The following ARID1B variants were observed in gnomAD, a reference collection of about 807,000 sequenced individuals.
ARID1B encodes the protein AT-rich interactive domain-containing protein 1B.
In ARID1B, 30 loss-of-function variants were observed where a neutral mutation model predicts 212.3. That is an observed-to-expected ratio of 0.14 (90% CI 0.11 to 0.19). ARID1B has a LOEUF of 0.19. Among genes scored for constraint, ARID1B ranks in the 10% least tolerant of loss-of-function variants. The pLI is 1.00. For synonymous variants in ARID1B, 1,402 were observed against 1,301.7 expected (o/e 1.08, Z -1.66); for missense variants, 2,891 against 3,204.0 (o/e 0.90, Z 2.36).
chr6:156,817,666 T>C (rs1047710547), intron 1 of ARID1B, among the ~76,000 whole-genome samples: 1 of 152,146 alleles, frequency 6.6e-6, no homozygotes, highest in African/African-American at 2.4e-5. Context: ...AACTTTTATT[T>C]TGAAATAATT....
At chr6:156,780,316 A>G (rs1433137070) in intron 1 of ARID1B, 1 of 152,164 alleles carries the variant, frequency 6.6e-6, no homozygotes, top group African/African-American at 2.4e-5. Flanking sequence ...AAGATAGCAG[A>G]CCAGTGAAAA....
chr6:156,778,914 G>T lies in ARID1B; in HGVS notation c.1234G>T (p.Ala412Ser). Residue 412 changes from alanine to serine, a missense_variant, in exon 1 of 20, where the codon GCA (alanine) becomes TCA (serine). Coordinates refer to ENST00000636930, the MANE Select transcript of ARID1B (RefSeq NM_001374828.1). ...GSGGGGGGGG[A>S]GAGGAGAGAV... ...CGGAGGAGGAGGAGGAGGAGGAGGA[G>T]CAGGAGCAGGAGGAGCAGGAGCGGG... 7.4e-7 allele frequency: 1 copy of T among 1,343,326 alleles called. No individual in the cohort carries two copies. Among genetic ancestry groups the T allele is most frequent in the Non-Finnish European group, 9.5e-7 (1 of 1,052,844 alleles). The allele number at this position is 1,343,326 out of a possible 1,614,324, so 83.2% of individuals were successfully genotyped here. A position where few individuals can be genotyped will look rare whatever the true frequency, so the allele number is the denominator to read the frequency against.
chr6:157,130,526 T>G (rs1320682382), intron 6 of ARID1B, among the ~76,000 whole-genome samples: 1 of 152,236 alleles, frequency 6.6e-6, no homozygotes. Flanking sequence ...CTATGATGGT[T>G]TATATCTGGA....
chr6:157,092,728 C>T (rs1419828356), intron 5 of ARID1B, among the ~76,000 whole-genome samples: 1 of 152,196 alleles, frequency 6.6e-6, no homozygotes, highest in Non-Finnish European at 1.5e-5. Flanking sequence ...TTGGGCAACT[C>T]AGTTTAAATT....
chr6:156,933,605 C>A (rs1214643160), intron 3 of ARID1B, among the ~76,000 whole-genome samples: 2 of 152,210 alleles, frequency 1.3e-5, no homozygotes, highest in Non-Finnish European at 2.9e-5. Flanking sequence ...GATTGCAGAG[C>A]CACTCTGTAA....
At chr6:156,806,050 G>A (rs1329324015) in intron 1 of ARID1B, among the ~76,000 whole-genome samples, 4 of 152,180 alleles carry the variant, frequency 2.6e-5, no homozygotes, top group East Asian at 1.9e-4. Context: ...TCTAATTTCC[G>A]TATTGGCCAC....
intron 1 of ARID1B, among the ~76,000 whole-genome samples, chr6:156,812,936 GTGTGTGT>G (rs1781658106): frequency 4.4e-4 from 15 of 34,338 alleles, no homozygotes; most frequent in African/African-American, 2.6e-3. Context: ...AATCCTGGGT[GTGTGTGT>G]GTGTGTGTGT....
intron 4 of ARID1B, chr6:156,938,620 A>G (rs1792442067): frequency 6.6e-6 from 1 of 152,186 alleles, no homozygotes; most frequent in African/African-American, 2.4e-5. Flanking sequence ...ATGCCTCTCA[A>G]GTAGTAATTT....
chr6:157,127,220 G>A (rs539241906), intron 6 of ARID1B, among the ~76,000 whole-genome samples: 36 of 152,258 alleles, frequency 2.4e-4, no homozygotes, highest in Admixed American at 1.6e-3. Context: ...ACTATTGAGC[G>A]CAGGTGAGGA....
At position 156,886,487 on chromosome 6, in the gene ARID1B, C is replaced by G. The variant is rs142200807; in HGVS notation, c.1987-14889C>G. Among the ~76,000 whole-genome samples the G allele has an allele frequency of 6.6e-3, 1,010 of 152,274 alleles. 5 individuals carry two copies. The highest frequency in any genetic ancestry group is 9.9e-3 in the Non-Finnish European group (675 of 68,012). ...ATCCTCTGGGCTCCCCATGCCTTAC[C>G]CCGTACTGCTCTCCTGGGACACAGC... On this transcript the variant is annotated intron_variant, in intron 2 of 19. Coordinates refer to ENST00000636930, the MANE Select transcript of ARID1B (RefSeq NM_001374828.1).
At chr6:157,001,820 G>A (rs1778930417) in intron 4 of ARID1B, among the ~76,000 whole-genome samples, 2 of 152,214 alleles carry the variant, frequency 1.3e-5, no homozygotes, top group Admixed American at 6.5e-5. Context: ...AGGTGGCAAA[G>A]GGGAGATGGT....
intron 2 of ARID1B, among the ~76,000 whole-genome samples, chr6:156,842,874 T>C (rs1032718897): frequency 6.6e-6 from 1 of 152,096 alleles, no homozygotes; most frequent in Non-Finnish European, 1.5e-5. Context: ...GAAACAGAGG[T>C]TAGGTAGCTT....
chr6:157,076,867 T>A (rs1174633995), intron 4 of ARID1B, among the ~76,000 whole-genome samples: 2 of 152,234 alleles, frequency 1.3e-5, no homozygotes. Context: ...TCTCTCTTCC[T>A]CAGTGGTATT....
At chr6:156,982,626 G>A (rs1307808486) in intron 4 of ARID1B, among the ~76,000 whole-genome samples, 1 of 151,768 alleles carries the variant, frequency 6.6e-6, no homozygotes, top group African/African-American at 2.4e-5. Context: ...TTCTGTTACT[G>A]TTTTCTGCGT....
At chr6:156,786,767 C>T (rs1779660548) in intron 1 of ARID1B, among the ~76,000 whole-genome samples, 1 of 152,216 alleles carries the variant, frequency 6.6e-6, no homozygotes, top group Non-Finnish European at 1.5e-5. Flanking sequence ...GTGCCAGAGA[C>T]AGACAATAGC....
At chr6:157,165,188 C>G (rs1791238595) in intron 8 of ARID1B, among the ~76,000 whole-genome samples, 2 of 152,170 alleles carry the variant, frequency 1.3e-5, no homozygotes, top group African/African-American at 4.8e-5. Context: ...AGAGGTTAAT[C>G]AGAAGCTGTT....
At chr6:157,068,587 T>A (rs751379834) in intron 4 of ARID1B, among the ~76,000 whole-genome samples, 1 of 152,252 alleles carries the variant, frequency 6.6e-6, no homozygotes, top group Non-Finnish European at 1.5e-5. Flanking sequence ...CCTGCTCTTA[T>A]GCATACTGTG....
At chr6:156,981,379 T>A (rs1777594782) in intron 4 of ARID1B, among the ~76,000 whole-genome samples, 1 of 152,178 alleles carries the variant, frequency 6.6e-6, no homozygotes, top group Admixed American at 6.5e-5. Context: ...GGCACATATA[T>A]CCTTTTCTCC....
At chr6:156,954,853 C>T (rs1793846102) in intron 4 of ARID1B, among the ~76,000 whole-genome samples, 1 of 152,134 alleles carries the variant, frequency 6.6e-6, no homozygotes, top group Non-Finnish European at 1.5e-5. Flanking sequence ...TCCCCTGCAC[C>T]CTATTCTTAA....
Sources: gnomAD v4.1 joint callset for allele counts (sites outside exome capture counted in the v4.1 genomes callset) on GRCh38, gnomAD v4.1.1 for gene constraint, MANE v1.5 for transcripts, NCBI Gene and HGNC (gene_info 2026-07-23, HGNC 2026-07-21) for gene names.